Variants in CORO1C observed in about 807,000 individuals in gnomAD.
CORO1C encodes coronin-1C.
A neutral mutation model predicts 51.2 loss-of-function variants in CORO1C; 14 were observed. The ratio of observed to expected loss-of-function variants is 0.27; its 90% CI spans 0.18 to 0.43. The LOEUF is 0.43. Ranked by LOEUF, CORO1C falls within the 20% of genes least tolerant of loss-of-function variation. The probability of loss-of-function intolerance (pLI) is 1.00; values close to 1 mark genes in which losing one functional copy is unlikely to be tolerated. For synonymous variants in CORO1C, 181 were observed against 210.5 expected (o/e 0.86, Z 1.21); for missense variants, 417 against 607.8 (o/e 0.69, Z 3.30).
At chr12:108,707,161 T>A (rs544914327) in intron 1 of CORO1C, among the ~76,000 whole-genome samples, 1 of 152,138 alleles carries the variant, frequency 6.6e-6, no homozygotes, top group South Asian at 2.1e-4. Context: ...CCCAGAAGAA[T>A]TCTTTGTAGA....
intron 1 of CORO1C, among the ~76,000 whole-genome samples, chr12:108,719,257 T>C (rs1174960915): frequency 6.6e-6 from 1 of 152,216 alleles, no homozygotes; most frequent in Non-Finnish European, 1.5e-5. Flanking sequence ...ATCCAGGGGC[T>C]TCCTATCCCT....
At chr12:108,727,621 T>C (rs541890995) in intron 1 of CORO1C, among the ~76,000 whole-genome samples, 6 of 152,336 alleles carry the variant, frequency 3.9e-5, no homozygotes, top group African/African-American at 1.2e-4. Flanking sequence ...CCTTAAAATA[T>C]ATTAATTCAA....
chr12:108,692,511 CA>C (rs2034530830), intron 2 of CORO1C, among the ~76,000 whole-genome samples: 2 of 152,230 alleles, frequency 1.3e-5, no homozygotes, highest in Non-Finnish European at 2.9e-5. Context: ...CACAGAAAAG[CA>C]CTGTCAGGAG....
chr12:108,724,712 G>C (rs940380637), intron 1 of CORO1C, among the ~76,000 whole-genome samples: 1 of 152,156 alleles, frequency 6.6e-6, no homozygotes. Flanking sequence ...TTTTTAAGAA[G>C]AAATGTAGAT....
intron 6 of CORO1C, among the ~76,000 whole-genome samples, chr12:108,654,963 C>T (rs905416542): frequency 6.6e-6 from 1 of 152,138 alleles, no homozygotes; most frequent in South Asian, 2.1e-4. Context: ...ACCTCAGCCT[C>T]CCAAAGTGCT....
intron 4 of CORO1C, among the ~76,000 whole-genome samples, chr12:108,660,889 C>T (rs1375835339): frequency 6.6e-6 from 1 of 152,076 alleles, no homozygotes; most frequent in Non-Finnish European, 1.5e-5. Flanking sequence ...TCAATAGTTA[C>T]TTGGCATTAT....
Position 108,657,565 on chromosome 12 carries a change from C to A in CORO1C, c.631-142G>T. The A allele has an allele frequency of 5.1e-6, 4 of 790,004 alleles. No homozygotes were observed. The South Asian group carries it at 7.0e-5, about 14-fold the overall frequency. 48.9% of individuals were successfully genotyped at this position (790,004 alleles called of 1,614,324 possible). A position where few individuals can be genotyped will look rare whatever the true frequency, so the allele number is the denominator to read the frequency against. Reference sequence around the variant, plus strand: ...AGGGAGGTCAGTGTTAACCATCCCCCTTCCCCAGATGAGGAAACAAAGAGA... The same window carrying A: ...AGGGAGGTCAGTGTTAACCATCCCCATTCCCCAGATGAGGAAACAAAGAGA... On this transcript the variant is annotated intron_variant, in intron 5 of 10. Transcript: ENST00000261401.
chr12:108,656,671 T>C (rs992877409), intron 6 of CORO1C, among the ~76,000 whole-genome samples: 2 of 152,228 alleles, frequency 1.3e-5, no homozygotes, highest in African/African-American at 2.4e-5. Context: ...TAGAAGGAAG[T>C]AGACATGGGA....
rs185886941 is a variant in CORO1C at position 108,672,823 on chromosome 12, G to A, written c.318+5449C>T. 3.3e-5 allele frequency among the ~76,000 whole-genome samples: 5 copies of A among 152,250 alleles called. No homozygotes were observed. The East Asian group carries it at 5.8e-4, about 18-fold the overall frequency. ...TGTATCTGTTACAGTGATCAGTAAT[G>A]TCTGATGTTACTACTGTAATTGTTT... is the stretch of plus-strand genomic sequence containing the variant. On this transcript the variant is annotated intron_variant, in intron 3 of 10. Coordinates refer to ENST00000261401, the MANE Select transcript of CORO1C (RefSeq NM_014325.4).
intron 1 of CORO1C, among the ~76,000 whole-genome samples, chr12:108,715,667 T>TGCAGAACCATATAAAATCACCTGA (rs11274706): frequency 7.0e-4 from 87 of 123,756 alleles, no homozygotes; most frequent in South Asian, 1.8e-3. Context: ...CTCACAACAC[T>TGCAGAACCATATAAAATCACCTGA]GGCAGCAGCC....
intron 2 of CORO1C, among the ~76,000 whole-genome samples, chr12:108,685,584 G>A (rs762562943): frequency 1.3e-4 from 20 of 151,138 alleles, no homozygotes; most frequent in Admixed American, 1.1e-3. Flanking sequence ...TTTGGATAGG[G>A]AAAGAAAATT....
At chr12:108,674,813 T>C (rs749219500) in intron 3 of CORO1C, among the ~76,000 whole-genome samples, 2 of 152,068 alleles carry the variant, frequency 1.3e-5, no homozygotes, top group Non-Finnish European at 2.9e-5. Context: ...GCAAAGAAAA[T>C]GGTCTCTTGA....
chr12:108,726,484 G>A (rs892385400), intron 1 of CORO1C, among the ~76,000 whole-genome samples: 11 of 151,510 alleles, frequency 7.3e-5, no homozygotes, highest in Non-Finnish European at 1.0e-4. Flanking sequence ...ACTAATTTGA[G>A]TCAGACACCC....
intron 2 of CORO1C, among the ~76,000 whole-genome samples, chr12:108,690,627 G>A (rs780455263): frequency 2.6e-5 from 4 of 152,188 alleles, no homozygotes; most frequent in East Asian, 1.9e-4. Flanking sequence ...CCAAATATGC[G>A]ATAGCAACCA....
intron 3 of CORO1C, among the ~76,000 whole-genome samples, chr12:108,673,325 CCTAA>C (rs1273895598): frequency 6.6e-6 from 1 of 152,178 alleles, no homozygotes; most frequent in African/African-American, 2.4e-5. Context: ...AGAGCAAAGT[CCTAA>C]CTCTCTTCAA....
At chr12:108,651,112 T>C (rs1339058532) in intron 8 of CORO1C, among the ~76,000 whole-genome samples, 1 of 152,224 alleles carries the variant, frequency 6.6e-6, no homozygotes, top group Non-Finnish European at 1.5e-5. Context: ...CGACCACACA[T>C]AGCAAATTTT....
chr12:108,713,546 G>A (rs943657092), intron 1 of CORO1C, among the ~76,000 whole-genome samples: 1 of 152,180 alleles, frequency 6.6e-6, no homozygotes, highest in Non-Finnish European at 1.5e-5. Context: ...TAAGAATAAA[G>A]AGAAAATGCA....
intron 2 of CORO1C, among the ~76,000 whole-genome samples, chr12:108,691,287 C>T (rs2034485787): frequency 6.6e-6 from 1 of 152,162 alleles, no homozygotes; most frequent in African/African-American, 2.4e-5. Flanking sequence ...TCAGGTCCCA[C>T]CCCTAATGGG....
intron 3 of CORO1C, chr12:108,668,513 C>A (rs984678904): frequency 3.3e-5 from 5 of 151,936 alleles, no homozygotes; most frequent in African/African-American, 7.3e-5. Context: ...GCCTTCCCAC[C>A]CGCCAAAAAA....
Sources: allele counts gnomAD v4.1 joint callset (sites outside exome capture counted in the v4.1 genomes callset), GRCh38; gene constraint gnomAD v4.1.1; transcripts MANE v1.5; gene names NCBI Gene and HGNC (gene_info 2026-07-23, HGNC 2026-07-21).